Variants in GARNL3 observed in about 807,000 individuals in gnomAD.
The protein encoded by GARNL3 is GTPase activating Rap/RanGAP domain like 3.
Under a neutral mutation model 125.0 loss-of-function variants are expected in GARNL3, and 63 were observed. The ratio of observed to expected loss-of-function variants is 0.50; its 90% CI spans 0.41 to 0.62. GARNL3 has a LOEUF of 0.62. Among genes scored for constraint, GARNL3 ranks in the 20% least tolerant of loss-of-function variants. GARNL3 has a pLI of 0.00. For synonymous variants in GARNL3, 439 were observed against 457.5 expected (o/e 0.96, Z 0.52); for missense variants, 994 against 1,244.0 (o/e 0.80, Z 3.02).
intron 21 of GARNL3, among the ~76,000 whole-genome samples, chr9:127,360,826 C>T (rs556202269): frequency 2.6e-5 from 4 of 152,186 alleles, no homozygotes; most frequent in Admixed American, 1.3e-4. Context: ...TTGTACCCAC[C>T]CCGGGTTCTG....
At chr9:127,344,788 G>A (rs775164404) in intron 15 of GARNL3, among the ~76,000 whole-genome samples, 19 of 152,194 alleles carry the variant, frequency 1.2e-4, no homozygotes, top group Non-Finnish European at 2.5e-4. Context: ...TCACCACCAA[G>A]TTAGGTGGTG....
chr9:127,248,357 G>A (rs1035755373), intron 2 of GARNL3, among the ~76,000 whole-genome samples: 2 of 152,128 alleles, frequency 1.3e-5, no homozygotes, highest in African/African-American at 4.8e-5. Flanking sequence ...TCTAGAGGTA[G>A]GCGTGGGGGC....
Position 127,332,286 on chromosome 9 carries a change from T to G in GARNL3, c.607T>G (p.Phe203Val), listed in dbSNP as rs781099492. 4 of 1,613,510 alleles carry G rather than the reference T, an allele frequency of 2.5e-6. No individual in the cohort carries two copies. The South Asian group carries it at 3.3e-5, about 13-fold the overall frequency. Residue 203 changes from phenylalanine to valine, a missense_variant, in exon 8 of 28, where the codon TTC (phenylalanine) becomes GTC (valine). Phe to Val is a conservative substitution (Grantham distance 50). Coordinates refer to ENST00000373387, the MANE Select transcript of GARNL3 (RefSeq NM_032293.5). ...VLEEQEGSVN[F>V]KFGVLFAKDG... ...TTATTATCCTAAGGGCTCTGTGAATTTCAAGTTTGGGGTTCTTTTTGCCAA... is the reference window on the plus strand; with the variant it reads ...TTATTATCCTAAGGGCTCTGTGAATGTCAAGTTTGGGGTTCTTTTTGCCAA...
At chr9:127,344,015 C>T (rs1055651217) in intron 14 of GARNL3, among the ~76,000 whole-genome samples, 1 of 151,974 alleles carries the variant, frequency 6.6e-6, no homozygotes, top group African/African-American at 2.4e-5. Flanking sequence ...AAGCCGTGTC[C>T]TCAGCCCCCA....
chr9:127,246,687 G>A lies in GARNL3; in HGVS notation c.143+3438G>A, dbSNP rs2063309858. Among the ~76,000 whole-genome samples the A allele has an allele frequency of 2.0e-5, 3 of 152,208 alleles. No individual in the cohort carries two copies. In the South Asian group the frequency reaches 6.2e-4, roughly 32 times the overall value. Reference sequence around the variant, plus strand: ...CCAGGTGGGGTGACATGTGCCTGTAGTCCCAGCTACGTGGGAGGCTGAGGC... The same window carrying A: ...CCAGGTGGGGTGACATGTGCCTGTAATCCCAGCTACGTGGGAGGCTGAGGC... On this transcript the variant is annotated intron_variant, in intron 2 of 10. Coordinates refer to the GARNL3 transcript ENST00000439286.
intron 7 of GARNL3, among the ~76,000 whole-genome samples, chr9:127,329,066 A>G (rs1268276583): frequency 1.3e-5 from 2 of 152,202 alleles, no homozygotes; most frequent in African/African-American, 4.8e-5. Flanking sequence ...CACCAGATCA[A>G]ACTATCCCCT....
At chr9:127,354,223 G>C in intron 18 of GARNL3, 71 bp from the exon 19 acceptor site, 1 of 1,102,292 alleles carries the variant, frequency 9.1e-7, no homozygotes. Flanking sequence ...TACACAGTCT[G>C]CCCCTGGAGG....
chr9:127,281,224 A>G (rs2812295), intron 1 of GARNL3, among the ~76,000 whole-genome samples: 117,433 of 152,076 alleles, frequency 0.77, 45,775 homozygotes, highest in African/African-American at 0.86. Context: ...AGCTGTGCCA[A>G]TGAGAAGGAG....
At chr9:127,233,518 A>T (rs2063056743) in intron 1 of GARNL3, among the ~76,000 whole-genome samples, 1 of 152,204 alleles carries the variant, frequency 6.6e-6, no homozygotes, top group Admixed American at 6.5e-5. Context: ...GATGCCACCC[A>T]GGGTCACAGA....
intron 9 of GARNL3, 31 bp downstream of exon 9, chr9:127,333,152 A>G (rs2131575470): frequency 6.4e-7 from 1 of 1,550,414 alleles, no homozygotes; most frequent in East Asian, 2.2e-5. Flanking sequence ...ATTCTGTTGT[A>G]ATTTGTATAA....
At chr9:127,230,962 A>ATGTG (rs10552796) in intron 1 of GARNL3, among the ~76,000 whole-genome samples, 4 of 141,124 alleles carry the variant, frequency 2.8e-5, no homozygotes, top group South Asian at 2.2e-4. Context: ...AACGATATAT[A>ATGTG]TGTGTGTGTG....
intron 22 of GARNL3, among the ~76,000 whole-genome samples, chr9:127,366,331 A>G (rs1831286092): frequency 6.6e-6 from 1 of 152,198 alleles, no homozygotes; most frequent in Admixed American, 6.5e-5. Context: ...CTCTTTGGGG[A>G]CATTTTATGC....
At chr9:127,291,275 C>A in intron 2 of GARNL3, 33 bp downstream of exon 2, 1 of 1,569,122 alleles carries the variant, frequency 6.4e-7, no homozygotes, top group Non-Finnish European at 8.8e-7. Context: ...TGTAATGCCA[C>A]CAAGCACATG....
At chr9:127,262,036 C>T (rs771774671), upstream of GARNL3, among the ~76,000 whole-genome samples, 1 of 152,168 alleles carries the variant, frequency 6.6e-6, no homozygotes, top group Admixed American at 6.5e-5. Context: ...TGAATGACTG[C>T]AGGTGTAAGT....
upstream of GARNL3, among the ~76,000 whole-genome samples, chr9:127,261,683 G>T (rs1163889309): frequency 6.6e-6 from 1 of 152,122 alleles, no homozygotes; most frequent in African/African-American, 2.4e-5. Context: ...AAAGTGCTGG[G>T]ATTACAGGCG....
At chr9:127,317,446 C>A (rs562906769) in intron 4 of GARNL3, among the ~76,000 whole-genome samples, 1 of 152,092 alleles carries the variant, frequency 6.6e-6, no homozygotes, top group South Asian at 2.1e-4. Flanking sequence ...AATTCCCAGC[C>A]GGGCGTGGTG....
chr9:127,365,652 C>G (rs1314154247), intron 22 of GARNL3, among the ~76,000 whole-genome samples: 1 of 152,108 alleles, frequency 6.6e-6, no homozygotes, highest in East Asian at 1.9e-4. Flanking sequence ...TGCCAGGTGC[C>G]GTGCTCGGTA....
At chr9:127,346,265 G>A (rs1830133950) in intron 16 of GARNL3, among the ~76,000 whole-genome samples, 1 of 152,154 alleles carries the variant, frequency 6.6e-6, no homozygotes, top group African/African-American at 2.4e-5. Flanking sequence ...AAAGTTAAAT[G>A]GGACAGATTT....
chr9:127,310,856 G>A (rs2065075748), intron 2 of GARNL3, among the ~76,000 whole-genome samples: 1 of 151,928 alleles, frequency 6.6e-6, no homozygotes, highest in African/African-American at 2.4e-5. Flanking sequence ...GGTACCCTCA[G>A]CCATTGCTGG....
Sources: allele counts gnomAD v4.1 joint callset (sites outside exome capture counted in the v4.1 genomes callset), GRCh38; gene constraint gnomAD v4.1.1; transcripts MANE v1.5; gene names NCBI Gene and HGNC (gene_info 2026-07-23, HGNC 2026-07-21).